RTN1: variants seen among roughly 807,000 people sequenced by gnomAD.
The protein encoded by RTN1 is reticulon-1.
In RTN1, 25 loss-of-function variants were observed where a neutral mutation model predicts 65.5. The ratio of observed to expected loss-of-function variants is 0.38; its 90% CI spans 0.28 to 0.53. The LOEUF is 0.53. Among genes scored for constraint, RTN1 ranks in the 20% least tolerant of loss-of-function variants. RTN1 has a pLI of 0.79. For synonymous variants in RTN1, 471 were observed against 447.6 expected, an observed-to-expected ratio of 1.05 and a Z score of -0.66; for missense variants, 983 against 1,025.4, an observed-to-expected ratio of 0.96 and a Z score of 0.57.
At chr14:59,793,264 A>G (rs1886381883) in intron 1 of RTN1, among the ~76,000 whole-genome samples, 1 of 152,186 alleles carries the variant, frequency 6.6e-6, no homozygotes, top group South Asian at 2.1e-4. Context: ...ACTTTTTTCT[A>G]GAAACTGATT....
intron 1 of RTN1, among the ~76,000 whole-genome samples, chr14:59,749,934 A>AAT (rs1240760001): frequency 9.0e-6 from 1 of 110,528 alleles, no homozygotes; most frequent in African/African-American, 3.4e-5. Context: ...CCTTGGTTCA[A>AAT]ATATATATAT....
rs1459297855 is a variant in RTN1, at chr14:59,749,466, AATCTATC to A, written c.242-2992_242-2986del. On this transcript the variant is annotated intron_variant, in intron 1 of 8. Transcript: ENST00000267484. ...TATCTATATATATCTATATATATCT[AATCTATC>A]TATATATCTATATATATCTATATAT... is the stretch of plus-strand genomic sequence containing the variant. Among the ~76,000 whole-genome samples the A allele has an allele frequency of 8.3e-5, 8 of 96,928 alleles. 2 individuals carry two copies. Among genetic ancestry groups the A allele is most frequent in the African/African-American group, 3.2e-4 (7 of 21,640 alleles). The allele number at this position is 96,928 out of a possible 152,430, so 63.6% of individuals were successfully genotyped here.
At chr14:59,687,006 T>A (rs1028159748) in intron 3 of RTN1, among the ~76,000 whole-genome samples, 1 of 152,168 alleles carries the variant, frequency 6.6e-6, no homozygotes, top group Non-Finnish European at 1.5e-5. Flanking sequence ...ACCAGAGCTA[T>A]GGAAAGTGCC....
chr14:59,787,702 G>C (rs1242841933), intron 1 of RTN1, among the ~76,000 whole-genome samples: 1 of 152,158 alleles, frequency 6.6e-6, no homozygotes, highest in East Asian at 1.9e-4. Context: ...GTGGGGAAGA[G>C]GCTGGTGGCA....
chr14:59,820,983 G>A (rs890252413), intron 1 of RTN1, among the ~76,000 whole-genome samples: 5 of 152,110 alleles, frequency 3.3e-5, no homozygotes, highest in African/African-American at 1.2e-4. Context: ...AGAATGCTTT[G>A]GCTATTTGGG....
rs377384551 is a variant in RTN1 at position 59,777,738 on chromosome 14, C to A, written c.242-31257G>T. Among the ~76,000 whole-genome samples, 40 of 151,904 alleles carry A rather than the reference C, an allele frequency of 2.6e-4. No homozygotes were observed. In the East Asian group the frequency reaches 3.9e-3, roughly 15 times the overall value. On this transcript the variant is annotated intron_variant, in intron 1 of 8. Transcript: ENST00000267484. ...TGTATTTCCAGCAAAATATAATAAC[C>A]TTTTCCCCTCTTTTTCTTTCTAGGT...
intron 1 of RTN1, among the ~76,000 whole-genome samples, chr14:59,838,103 C>G (rs998587299): frequency 2.0e-5 from 3 of 152,180 alleles, no homozygotes; most frequent in African/African-American, 4.8e-5. Flanking sequence ...CCCTATCCCT[C>G]TCTCTCCCCT....
In RTN1 at chr14:59,749,268, A is replaced by ATATATATC. The variant is rs1885322774; in HGVS notation, c.242-2788_242-2787insGATATATA. Among the ~76,000 whole-genome samples, 3 of 21,084 alleles carry ATATATATC rather than the reference A, an allele frequency of 1.4e-4. 1 individual carries two copies. The highest frequency in any genetic ancestry group is 7.8e-4 in the African/African-American group (2 of 2,570). 13.8% of individuals were successfully genotyped at this position (21,084 alleles called of 152,430 possible). A position where few individuals can be genotyped will look rare whatever the true frequency, so the allele number is the denominator to read the frequency against. On this transcript the variant is annotated intron_variant, in intron 1 of 8. Coordinates refer to ENST00000267484, the MANE Select transcript of RTN1 (RefSeq NM_021136.3). ...TATATCTATATATCTATATATATCT[A>ATATATATC]TATATATATCTATATATATCTATAT...
intron 3 of RTN1, among the ~76,000 whole-genome samples, chr14:59,711,358 C>T (rs1482820291): frequency 2.0e-5 from 3 of 152,194 alleles, no homozygotes; most frequent in Non-Finnish European, 4.4e-5. Flanking sequence ...TACATTTGCC[C>T]TTTCCTGGGG....
At chr14:59,811,922 A>T (rs1397476091) in intron 1 of RTN1, among the ~76,000 whole-genome samples, 1 of 152,208 alleles carries the variant, frequency 6.6e-6, no homozygotes, top group Non-Finnish European at 1.5e-5. Context: ...CAGACTAATT[A>T]AGTCAGAATC....
intron 3 of RTN1, among the ~76,000 whole-genome samples, chr14:59,615,685 C>T (rs1048870324): frequency 4.6e-5 from 7 of 152,078 alleles, no homozygotes; most frequent in African/African-American, 1.2e-4. Context: ...ATTAACAATG[C>T]ACGAATGCAA....
chr14:59,733,389 G>A (rs1032732134), intron 2 of RTN1, among the ~76,000 whole-genome samples: 3 of 152,158 alleles, frequency 2.0e-5, no homozygotes, highest in Admixed American at 1.3e-4. Context: ...CACCGTGCCC[G>A]GCCAGACTGC....
At chr14:59,857,148 A>G (rs182463054) in intron 1 of RTN1, among the ~76,000 whole-genome samples, 17 of 152,308 alleles carry the variant, frequency 1.1e-4, no homozygotes, top group Admixed American at 1.1e-3. Context: ...CTAATACCAT[A>G]TATACCTAAC....
chr14:59,801,872 T>C (rs774987847), intron 1 of RTN1, among the ~76,000 whole-genome samples: 12 of 152,182 alleles, frequency 7.9e-5, no homozygotes, highest in Non-Finnish European at 1.5e-4. Context: ...CATGTAAAAA[T>C]CTGTGTTCGT....
At chr14:59,777,761 G>A (rs1886078527) in intron 1 of RTN1, among the ~76,000 whole-genome samples, 1 of 150,746 alleles carries the variant, frequency 6.6e-6, no homozygotes, top group Non-Finnish European at 1.5e-5. Context: ...TTTCTTTCTA[G>A]GTCTTTGGAA....
At chr14:59,823,966 TTAAA>T in intron 1 of RTN1, among the ~76,000 whole-genome samples, 1 of 152,240 alleles carries the variant, frequency 6.6e-6, no homozygotes, top group Non-Finnish European at 1.5e-5. Flanking sequence ...CATTTTGTTA[TTAAA>T]TAGTTTTCAA....
chr14:59,811,002 T>C (rs1886718647), intron 1 of RTN1, among the ~76,000 whole-genome samples: 1 of 152,140 alleles, frequency 6.6e-6, no homozygotes, highest in African/African-American at 2.4e-5. Flanking sequence ...CAGGAAGAAA[T>C]ATACTGGAAC....
chr14:59,718,055 T>G (rs1884574089), intron 3 of RTN1, among the ~76,000 whole-genome samples: 1 of 152,202 alleles, frequency 6.6e-6, no homozygotes, highest in South Asian at 2.1e-4. Context: ...TGAGAAACAC[T>G]ATCTAGAAAA....
chr14:59,865,185 A>C (rs1887777357), intron 1 of RTN1, among the ~76,000 whole-genome samples: 1 of 152,186 alleles, frequency 6.6e-6, no homozygotes, highest in Non-Finnish European at 1.5e-5. Context: ...ATAATAACAC[A>C]TTCTTAGATT....
Sources: gnomAD v4.1 joint callset for allele counts (sites outside exome capture counted in the v4.1 genomes callset) on GRCh38, gnomAD v4.1.1 for gene constraint, MANE v1.5 for transcripts, NCBI Gene and HGNC (gene_info 2026-07-23, HGNC 2026-07-21) for gene names.